MAP4: variants seen among roughly 807,000 people sequenced by gnomAD.
MAP4 encodes microtubule associated protein 4.
Under a neutral mutation model 170.2 loss-of-function variants are expected in MAP4, and 76 were observed. That is an observed-to-expected ratio of 0.45 (90% CI 0.37 to 0.54). The LOEUF (loss-of-function observed/expected upper bound fraction) is 0.54, where lower values mean the gene tolerates loss of function less well. Ranked by LOEUF, MAP4 falls within the 20% of genes least tolerant of loss-of-function variation. The pLI, the probability that MAP4 is intolerant of heterozygous loss-of-function variation, is 0.00. For synonymous variants in MAP4, 909 were observed against 994.5 expected, an observed-to-expected ratio of 0.91 and a Z score of 1.62; for missense variants, 2,506 against 2,748.0, an observed-to-expected ratio of 0.91 and a Z score of 1.97.
intron 8 of MAP4, among the ~76,000 whole-genome samples, chr3:47,913,813 C>G (rs2100037189): frequency 6.6e-6 from 1 of 152,116 alleles, no homozygotes. Context: ...GTCAGGATGT[C>G]CACATTCCAA....
intron 3 of MAP4, among the ~76,000 whole-genome samples, chr3:47,971,758 CAT>C (rs1278883659): frequency 6.6e-6 from 1 of 152,156 alleles, no homozygotes; most frequent in Non-Finnish European, 1.5e-5. Context: ...CAGTATTACA[CAT>C]GATTTAGGAA....
At chr3:48,055,163 GTTTC>G (rs945885359) in intron 1 of MAP4, among the ~76,000 whole-genome samples, 1 of 151,286 alleles carries the variant, frequency 6.6e-6, no homozygotes, top group African/African-American at 2.5e-5. Context: ...ACAAATGGCA[GTTTC>G]TTTAAAAAGT....
chr3:47,881,146 T>C (rs1372779923), intron 10 of MAP4, among the ~76,000 whole-genome samples: 2 of 152,022 alleles, frequency 1.3e-5, no homozygotes, highest in Non-Finnish European at 2.9e-5. Flanking sequence ...TTCTCCGACA[T>C]CTACTTTGTC....
At chr3:48,084,208 CAA>C (rs758278974) in intron 1 of MAP4, among the ~76,000 whole-genome samples, 15 of 80,106 alleles carry the variant, frequency 1.9e-4, no homozygotes, top group Admixed American at 1.4e-4. Context: ...GACTCAGTCT[CAA>C]AAAAAAAAAA....
chr3:47,852,830 A>C lies in MAP4; in HGVS notation c.*104T>G. 6.4e-7 allele frequency: 1 copy of C among 1,552,518 alleles called. No homozygotes were observed. The highest frequency in any genetic ancestry group is 1.4e-5 in the African/African-American group (1 of 73,192). On this transcript the variant is annotated 3_prime_UTR_variant, in exon 21 of 21. Coordinates refer to ENST00000683076, the MANE Select transcript of MAP4 (RefSeq NM_001385682.1). ...CGGGAAAGGGGGCCAAGGACCCGGG[A>C]GCCCGAGTTGGGGCCGCCAGGGAAG...
chr3:48,025,608 T>C (rs1279034220), intron 1 of MAP4, among the ~76,000 whole-genome samples: 4 of 151,938 alleles, frequency 2.6e-5, no homozygotes, highest in Admixed American at 1.3e-4. Context: ...AGAAATAATA[T>C]GCTGACTTGG....
intron 1 of MAP4, among the ~76,000 whole-genome samples, chr3:48,041,992 T>A (rs2100121862): frequency 6.6e-6 from 1 of 152,214 alleles, no homozygotes; most frequent in South Asian, 2.1e-4. Context: ...AGACCTTGTC[T>A]TATATATCTC....
At chr3:47,892,595 T>C in intron 10 of MAP4, 1 of 1,427,630 alleles carries the variant, frequency 7.0e-7, no homozygotes, top group African/African-American at 1.4e-5. Flanking sequence ...CCAGTATTCA[T>C]GACAAAATTC....
intron 2 of MAP4, among the ~76,000 whole-genome samples, chr3:47,981,438 C>T: frequency 6.6e-6 from 1 of 151,718 alleles, no homozygotes; most frequent in Non-Finnish European, 1.5e-5. Context: ...GTGGCACACG[C>T]CTATAGTCCT....
chr3:48,021,061 G>C (rs932222944), upstream of MAP4, among the ~76,000 whole-genome samples: 1 of 152,102 alleles, frequency 6.6e-6, no homozygotes, highest in Admixed American at 6.5e-5. Flanking sequence ...GAGGGTCACT[G>C]AATTAATCAA....
chr3:47,964,340 G>T (rs2100073513), intron 3 of MAP4, among the ~76,000 whole-genome samples: 1 of 152,210 alleles, frequency 6.6e-6, no homozygotes, highest in Non-Finnish European at 1.5e-5. Context: ...TGGAGGTGGT[G>T]AGATGTGGTC....
intron 8 of MAP4, 106 bp from the exon 9 acceptor site, chr3:47,912,527 C>G: frequency 1.1e-6 from 1 of 907,298 alleles, no homozygotes; most frequent in Non-Finnish European, 1.6e-6. Context: ...TTTAAGGAGG[C>G]TATTTTCACT....
At position 48,011,552 on chromosome 3, in the gene MAP4, C is replaced by CAA. The variant is rs763200781; in HGVS notation, c.-20+4780_-20+4781dup. Among the ~76,000 whole-genome samples the CAA allele has an allele frequency of 1.0e-4, 11 of 109,174 alleles. No individual in the cohort carries two copies. The South Asian group carries it at 1.2e-3, about 12-fold the overall frequency. 71.6% of individuals were successfully genotyped at this position (109,174 alleles called of 152,430 possible). On this transcript the variant is annotated intron_variant, in intron 1 of 20. Transcript: ENST00000683076. ...TACGTAACAGAGCAAGACTCCGTCT[C>CAA]AAAAAAAAAAAAAAAAGTTCCTATA...
chr3:48,030,596 C>T (rs1208487484), intron 1 of MAP4, among the ~76,000 whole-genome samples: 1 of 151,376 alleles, frequency 6.6e-6, no homozygotes, highest in Non-Finnish European at 1.5e-5. Context: ...GTCAGGAGTT[C>T]AAGACCAGCC....
At chr3:47,905,543 A>T (rs1008623195) in intron 9 of MAP4, among the ~76,000 whole-genome samples, 5 of 150,426 alleles carry the variant, frequency 3.3e-5, no homozygotes, top group African/African-American at 9.7e-5. Flanking sequence ...CAACAACAAC[A>T]ACAAAAAAAA....
At chr3:47,874,686 TTC>T (rs2094681556) in intron 12 of MAP4, among the ~76,000 whole-genome samples, 1 of 152,246 alleles carries the variant, frequency 6.6e-6, no homozygotes, top group East Asian at 1.9e-4. Flanking sequence ...ACCTATTGTT[TTC>T]TAAAGATCAA....
intron 1 of MAP4, among the ~76,000 whole-genome samples, chr3:48,074,726 GATA>G (rs2100142989): frequency 2.7e-5 from 4 of 147,648 alleles, no homozygotes; most frequent in Non-Finnish European, 4.5e-5. Context: ...GTGTGTGTGT[GATA>G]TGTCGGCCAG....
At chr3:47,854,779 C>A (rs1171506783) in intron 19 of MAP4, among the ~76,000 whole-genome samples, 2 of 90,794 alleles carry the variant, frequency 2.2e-5, no homozygotes, top group Non-Finnish European at 4.3e-5. Context: ...GCAGGCCCTG[C>A]AGAGGGAGGC....
chr3:47,857,418 A>C lies in MAP4; in HGVS notation c.6583+13T>G, dbSNP rs369207279. The C allele has an allele frequency of 3.1e-6, 5 of 1,611,408 alleles. No homozygotes were observed. In the African/African-American group the frequency reaches 6.7e-5, roughly 21 times the overall value. ...ACCCTGGAGACCCAGTGGGCAAGGG[A>C]GGCACCACTCACCAGGCTTGTGCTT... On this transcript the variant is annotated intron_variant, in intron 18 of 20. Coordinates refer to ENST00000683076, the MANE Select transcript of MAP4 (RefSeq NM_001385682.1).
Sources: allele counts gnomAD v4.1 joint callset (sites outside exome capture counted in the v4.1 genomes callset), GRCh38; gene constraint gnomAD v4.1.1; transcripts MANE v1.5; gene names NCBI Gene and HGNC (gene_info 2026-07-23, HGNC 2026-07-21).